Variants in KCNMA1 observed in about 807,000 individuals in gnomAD.
KCNMA1 encodes potassium calcium-activated channel subfamily M alpha 1, also known as Calcium-activated potassium channel subunit alpha-1.
A neutral mutation model predicts 140.0 loss-of-function variants in KCNMA1; 29 were observed. That is an observed-to-expected ratio of 0.21 (90% CI 0.15 to 0.28). The LOEUF (loss-of-function observed/expected upper bound fraction) is 0.28. Ranked by LOEUF, KCNMA1 falls within the 10% of genes least tolerant of loss-of-function variation. The pLI is 1.00. For missense variants in KCNMA1, 880 were observed against 1,602.2 expected (o/e 0.55, Z 7.70); for synonymous variants, 612 against 611.9 (o/e 1.00, Z 0.00).
At chr10:77,587,710 C>T (rs1336343065) in intron 1 of KCNMA1, 1 of 985,398 alleles carries the variant, frequency 1.0e-6, no homozygotes, top group African/African-American at 1.7e-5. Flanking sequence ...AGTAATAATG[C>T]CCTGCTTTGC....
At chr10:76,944,043 C>G (rs1305463501) in intron 23 of KCNMA1, among the ~76,000 whole-genome samples, 1 of 152,134 alleles carries the variant, frequency 6.6e-6, no homozygotes, top group Non-Finnish European at 1.5e-5. Flanking sequence ...AGGTGTCACT[C>G]AATGGAAAAT....
At chr10:76,932,657 A>G (rs1368174649) in intron 23 of KCNMA1, among the ~76,000 whole-genome samples, 1 of 152,192 alleles carries the variant, frequency 6.6e-6, no homozygotes, top group Non-Finnish European at 1.5e-5. Context: ...TGGAATCTTT[A>G]TTATGTCAAA....
chr10:77,300,673 C>A (rs78858560), intron 2 of KCNMA1, among the ~76,000 whole-genome samples: 1,763 of 152,232 alleles, frequency 0.012, 9 homozygotes, highest in Middle Eastern at 0.037. Flanking sequence ...TTTTAATTAC[C>A]ATTTCATGCA....
chr10:77,459,202 C>G (rs1322745819), intron 1 of KCNMA1, among the ~76,000 whole-genome samples: 6 of 152,188 alleles, frequency 3.9e-5, no homozygotes, highest in African/African-American at 1.4e-4. Flanking sequence ...TTCACAGCCT[C>G]TGCCACAATC....
intron 26 of KCNMA1, 48 bp from the exon 27 acceptor site, chr10:76,889,617 G>A (rs1313820619): frequency 7.1e-7 from 1 of 1,411,724 alleles, no homozygotes; most frequent in African/African-American, 1.4e-5. Context: ...TTATTTGCCT[G>A]AAAATCAAGG....
chr10:77,020,671 C>T (rs950514221), intron 16 of KCNMA1: 1 of 152,156 alleles, frequency 6.6e-6, no homozygotes, highest in South Asian at 2.1e-4. Context: ...CATGCAATCA[C>T]GAGGGTGAAG....
chr10:77,184,430 G>C (rs752251519), intron 4 of KCNMA1, among the ~76,000 whole-genome samples: 2 of 152,160 alleles, frequency 1.3e-5, no homozygotes, highest in Admixed American at 6.5e-5. Context: ...AGGTTGGTCA[G>C]GCTGGTCTCG....
chr10:76,919,801 T>A (rs2054557708), intron 23 of KCNMA1, among the ~76,000 whole-genome samples: 1 of 151,920 alleles, frequency 6.6e-6, no homozygotes, highest in Non-Finnish European at 1.5e-5. Flanking sequence ...ATATCTGGTA[T>A]GAGGCAAGTG....
intron 1 of KCNMA1, among the ~76,000 whole-genome samples, chr10:77,579,387 T>C (rs1277290172): frequency 2.6e-5 from 4 of 152,162 alleles, no homozygotes; most frequent in Non-Finnish European, 5.9e-5. Flanking sequence ...TGTCAATCTG[T>C]CACAATTACT....
At chr10:77,309,477 C>T (rs2078697788) in intron 2 of KCNMA1, 1 of 152,260 alleles carries the variant, frequency 6.6e-6, no homozygotes, top group African/African-American at 2.4e-5. Context: ...GTTGGTCACT[C>T]ACCTAGGTGG....
At position 77,401,574 on chromosome 10, in the gene KCNMA1, G is replaced by C. The variant is rs57258085; in HGVS notation, c.540+2288C>G. On this transcript the variant is annotated intron_variant, in intron 2 of 27. Coordinates refer to ENST00000286628, the MANE Select transcript of KCNMA1 (RefSeq NM_001161352.2). ...GCCAGGCTCCTTCTCTGTTTTTCCT[G>C]CTCCTCACTTTGAAGGCTTTCTTCT... 7.5e-3 allele frequency among the ~76,000 whole-genome samples: 1,136 copies of C among 152,254 alleles called. 20 individuals carry two copies. Among genetic ancestry groups the C allele is most frequent in the African/African-American group, 0.026 (1,074 of 41,552 alleles).
chr10:77,536,803 A>G (rs1396075624), intron 1 of KCNMA1, among the ~76,000 whole-genome samples: 1 of 152,198 alleles, frequency 6.6e-6, no homozygotes, highest in Non-Finnish European at 1.5e-5. Flanking sequence ...AATTGGTGTC[A>G]TCACTGGTCT....
chr10:77,205,409 C>A (rs959607492), intron 3 of KCNMA1, among the ~76,000 whole-genome samples: 3 of 152,056 alleles, frequency 2.0e-5, no homozygotes, highest in Admixed American at 6.6e-5. Flanking sequence ...GGTGTTCAAG[C>A]AACAATGGAA....
chr10:76,884,745 A>C, downstream of KCNMA1: 1 of 506,360 alleles, frequency 2.0e-6, no homozygotes, highest in Non-Finnish European at 3.3e-6. Flanking sequence ...GCAATTTAGA[A>C]AGTGGAAGAA....
At chr10:77,588,687 G>C (rs998992686) in intron 1 of KCNMA1, among the ~76,000 whole-genome samples, 7 of 152,308 alleles carry the variant, frequency 4.6e-5, no homozygotes, top group Middle Eastern at 3.4e-3. Context: ...AACTCAGCAA[G>C]ATAGATAATA....
chr10:76,934,793 A>G (rs1002826437), intron 23 of KCNMA1, among the ~76,000 whole-genome samples: 4 of 152,172 alleles, frequency 2.6e-5, no homozygotes, highest in African/African-American at 9.7e-5. Flanking sequence ...TGGTTTCCCC[A>G]CTATAAGACA....
At chr10:77,493,712 T>C (rs1031596282) in intron 1 of KCNMA1, 3 of 152,134 alleles carry the variant, frequency 2.0e-5, no homozygotes, top group African/African-American at 4.8e-5. Context: ...GAAGAGAGCA[T>C]CTCTTTCCCC....
chr10:76,960,403 A>C (rs1046817330), intron 20 of KCNMA1, among the ~76,000 whole-genome samples: 5 of 151,952 alleles, frequency 3.3e-5, no homozygotes, highest in Admixed American at 3.3e-4. Context: ...AGCCAGGCAG[A>C]TGGTGCACGC....
At chr10:77,610,450 G>A (rs974119724) in intron 1 of KCNMA1, among the ~76,000 whole-genome samples, 12 of 152,176 alleles carry the variant, frequency 7.9e-5, no homozygotes, top group African/African-American at 2.9e-4. Context: ...TGCCCCAAAA[G>A]GTAAGCGGAG....
Sources: allele counts gnomAD v4.1 joint callset (sites outside exome capture counted in the v4.1 genomes callset), GRCh38; gene constraint gnomAD v4.1.1; transcripts MANE v1.5; gene names NCBI Gene and HGNC (gene_info 2026-07-23, HGNC 2026-07-21).